The following FRMD5 variants were observed in gnomAD, a reference collection of about 807,000 sequenced individuals.
The protein encoded by FRMD5 is FERM domain containing 5.
In FRMD5, 20 loss-of-function variants were observed where a neutral mutation model predicts 69.0. That is an observed-to-expected ratio of 0.29 (90% CI 0.20 to 0.42). The LOEUF (loss-of-function observed/expected upper bound fraction) is 0.42, where lower values mean the gene tolerates loss of function less well. FRMD5 is among the 10% of genes least tolerant of loss of function. The pLI is 1.00. For synonymous variants in FRMD5, 271 were observed against 260.1 expected (o/e 1.04, Z -0.40); for missense variants, 595 against 708.6 (o/e 0.84, Z 1.82).
At chr15:44,007,910 C>T (rs920694455) in intron 1 of FRMD5, among the ~76,000 whole-genome samples, 3 of 151,972 alleles carry the variant, frequency 2.0e-5, no homozygotes, top group African/African-American at 4.8e-5. Flanking sequence ...TCCCAAAGTA[C>T]TGGGATCACA....
rs149235119 is a variant in FRMD5, at chr15:43,946,257, C to T, written c.103-21948G>A. 5.5e-3 allele frequency among the ~76,000 whole-genome samples: 833 copies of T among 152,282 alleles called. 5 individuals are homozygous for T. The highest frequency in any genetic ancestry group is 9.2e-3 in the Non-Finnish European group (624 of 68,032). The stretch of plus-strand genomic sequence containing the variant: ...TCACAGCAAAGGCAGCATGGTTAGC[C>T]ATGCAACTACAGGATTCTTCTTCCT... On this transcript the variant is annotated intron_variant, in intron 1 of 13. Coordinates refer to ENST00000417257, the MANE Select transcript of FRMD5 (RefSeq NM_032892.5).
intron 1 of FRMD5, among the ~76,000 whole-genome samples, chr15:44,007,044 T>C (rs950420360): frequency 6.6e-6 from 1 of 152,142 alleles, no homozygotes; most frequent in Non-Finnish European, 1.5e-5. Context: ...CTTATCTTAT[T>C]ATAAGAAATT....
chr15:44,072,205 T>C (rs1311299187), intron 1 of FRMD5, among the ~76,000 whole-genome samples: 5 of 152,326 alleles, frequency 3.3e-5, no homozygotes, highest in South Asian at 2.1e-4. Flanking sequence ...AGGGTTCTGA[T>C]TGTACAAACA....
intron 1 of FRMD5, among the ~76,000 whole-genome samples, chr15:44,134,170 G>A (rs10851417): frequency 0.62 from 93,573 of 151,692 alleles, 32,656 homozygotes; most frequent in Non-Finnish European, 0.76. Context: ...CCAGGCTGGA[G>A]AGTGCAGTGG....
chr15:43,988,597 CA>C (rs1475358339), intron 1 of FRMD5, among the ~76,000 whole-genome samples: 1 of 151,410 alleles, frequency 6.6e-6, no homozygotes, highest in Non-Finnish European at 1.5e-5. Flanking sequence ...AGTTGGGGGA[CA>C]AAAAAGTGGG....
chr15:43,887,619 G>A (rs150675682), intron 10 of FRMD5, among the ~76,000 whole-genome samples: 1 of 152,220 alleles, frequency 6.6e-6, no homozygotes, highest in East Asian at 1.9e-4. Flanking sequence ...CTGCCAGCCA[G>A]CATCCCATAG....
At position 44,120,424 on chromosome 15, in the gene FRMD5, T is replaced by C. The variant is rs915971268; in HGVS notation, c.102+74529A>G. ...CCGACAAAACATGATAAGAGATTCA[T>C]GTATAGGTGGGAAAGAAGAAGAATT... is the stretch of plus-strand genomic sequence containing the variant. On this transcript the variant is annotated intron_variant, in intron 1 of 13. Coordinates refer to ENST00000417257, the MANE Select transcript of FRMD5 (RefSeq NM_032892.5). 2.0e-5 allele frequency among the ~76,000 whole-genome samples: 3 copies of C among 152,010 alleles called. No homozygotes were observed. The East Asian group carries it at 5.8e-4, about 29-fold the overall frequency.
chr15:44,115,117 T>C (rs889987843), intron 1 of FRMD5, among the ~76,000 whole-genome samples: 10 of 152,182 alleles, frequency 6.6e-5, no homozygotes, highest in African/African-American at 2.4e-4. Flanking sequence ...TGGCCTGGAG[T>C]CTACCAGTTT....
At position 43,970,402 on chromosome 15, in the gene FRMD5, G is replaced by A. The variant is rs16952651; in HGVS notation, c.103-46093C>T. Among the ~76,000 whole-genome samples, 1,089 of 152,232 alleles carry A rather than the reference G, an allele frequency of 7.2e-3. 19 individuals carry two copies. The highest frequency in any genetic ancestry group is 0.025 in the African/African-American group (1,038 of 41,534). On this transcript the variant is annotated intron_variant, in intron 1 of 13. Transcript: ENST00000417257. The stretch of plus-strand genomic sequence containing the variant: ...TGTTTTTTAGTTTATGCCCTCTCTC[G>A]CTTCAACATATATGGTATCTAGGGT...
At chr15:43,935,962 C>T (rs1056548833) in intron 1 of FRMD5, among the ~76,000 whole-genome samples, 1 of 152,210 alleles carries the variant, frequency 6.6e-6, no homozygotes, top group Non-Finnish European at 1.5e-5. Context: ...GCTGCAGAGA[C>T]ACGCGGTTTA....
intron 1 of FRMD5, among the ~76,000 whole-genome samples, chr15:44,015,576 G>C (rs531714791): frequency 8.5e-5 from 13 of 152,230 alleles, no homozygotes; most frequent in African/African-American, 2.9e-4. Context: ...ATTTCACTAA[G>C]TGAAATAAGG....
rs545980463 is a variant in FRMD5, at chr15:43,895,704, C to T, written c.640-3635G>A. On this transcript the variant is annotated intron_variant, in intron 7 of 13. Transcript: ENST00000417257. ...GATGAAGGCCACCGCAAGACCCTGA[C>T]ACCCGGTATCCGCAGGGGCAGATGA... Among the ~76,000 whole-genome samples, 19 of 152,350 alleles carry T rather than the reference C, an allele frequency of 1.2e-4. No homozygotes were observed. In the South Asian group the frequency reaches 3.7e-3, roughly 30 times the overall value.
chr15:43,874,637 C>T (rs746634327), intron 13 of FRMD5, among the ~76,000 whole-genome samples, 175 bp from the exon 14 acceptor site: 12 of 152,196 alleles, frequency 7.9e-5, no homozygotes, highest in Non-Finnish European at 1.3e-4. Flanking sequence ...TGGTGGCTTA[C>T]ACCTGTCATC....
rs1456982902 is a variant in FRMD5, at chr15:43,874,352, C to T, written c.1246G>A (p.Val416Ile). ...RSSRTDSNER[V>I]AVIADEAYSP... is the part of the protein sequence containing the mutation. ...TAGGCCTCGTCTGCAATCACAGCTA[C>T]TCGCTCATTGCTATCTGTCCGGCTG... The change falls in exon 14 of 14, where the codon GTA becomes ATA. Residue 416 changes from valine to isoleucine, a missense_variant. This residue lies in a region of FRMD5 where 245 missense variants were observed against 227.1 expected (regional missense o/e 1.08). Transcript: ENST00000417257. The T allele has an allele frequency of 6.2e-7, 1 of 1,614,240 alleles. No individual in the cohort carries two copies. Among genetic ancestry groups the T allele is most frequent in the East Asian group, 2.2e-5 (1 of 44,884 alleles).
intron 1 of FRMD5, among the ~76,000 whole-genome samples, chr15:44,185,149 T>C (rs185091426): frequency 6.6e-6 from 1 of 152,362 alleles, no homozygotes; most frequent in Admixed American, 6.5e-5. Flanking sequence ...CAGTGTTTTA[T>C]GTTCTGTAGC....
In FRMD5 at chr15:43,898,222, G is replaced by A. The variant is rs1173626548; in HGVS notation, c.639+3953C>T. Reference sequence around the variant, plus strand: ...ATAATAATTGAAAAAGCACAGCACTGAGACTCAGATAACCCTGGGTTCGAG... The same window carrying A: ...ATAATAATTGAAAAAGCACAGCACTAAGACTCAGATAACCCTGGGTTCGAG... On this transcript the variant is annotated intron_variant, in intron 7 of 13. Transcript: ENST00000417257. Among the ~76,000 whole-genome samples, 17 of 152,242 alleles carry A rather than the reference G, an allele frequency of 1.1e-4. No homozygotes were observed. The South Asian group carries it at 3.1e-3, about 28-fold the overall frequency.
At position 43,927,314 on chromosome 15, in the gene FRMD5, A is replaced by T. The variant is rs190818137; in HGVS notation, c.103-3005T>A. On this transcript the variant is annotated intron_variant, in intron 1 of 13. Coordinates refer to ENST00000417257, the MANE Select transcript of FRMD5 (RefSeq NM_032892.5). ...CACTGGTATCACTTCTGCTAGCCTCATACTCCCTCTCACAACATAAGCCTG... is the reference window on the plus strand; with the variant it reads ...CACTGGTATCACTTCTGCTAGCCTCTTACTCCCTCTCACAACATAAGCCTG... 1.8e-4 allele frequency among the ~76,000 whole-genome samples: 27 copies of T among 152,228 alleles called. No individual in the cohort carries two copies. In the East Asian group the frequency reaches 4.8e-3, roughly 27 times the overall value.
In FRMD5 at chr15:43,873,082, T is replaced by G. The variant is rs1305600780; in HGVS notation, c.*803A>C. The G allele has an allele frequency of 2.4e-6, 3 of 1,233,064 alleles. No individual in the cohort carries two copies. The African/African-American group carries it at 4.6e-5, about 19-fold the overall frequency. The allele number at this position is 1,233,064 out of a possible 1,614,324, so 76.4% of individuals were successfully genotyped here. A position where few individuals can be genotyped will look rare whatever the true frequency, so the allele number is the denominator to read the frequency against. On this transcript the variant is annotated 3_prime_UTR_variant, in exon 14 of 14. Transcript: ENST00000417257. ...AGCACTATAAAAGTCTTGAGGTTCT[T>G]CGGAAAAAAAAAATCACGTTAAGTC...
intron 1 of FRMD5, among the ~76,000 whole-genome samples, chr15:44,057,217 G>C (rs370522748): frequency 6.6e-6 from 1 of 151,548 alleles, no homozygotes; most frequent in Non-Finnish European, 1.5e-5. Flanking sequence ...CTCTGGCTCC[G>C]GGGTTCAAGC....
Sources: allele counts gnomAD v4.1 joint callset (sites outside exome capture counted in the v4.1 genomes callset), GRCh38; gene constraint gnomAD v4.1.1; regional missense constraint gnomAD v4.1.1; transcripts MANE v1.5; gene names NCBI Gene and HGNC (gene_info 2026-07-23, HGNC 2026-07-21).